HOXB3: variants seen among roughly 807,000 people sequenced by gnomAD.
The protein encoded by HOXB3 is homeobox B3.
A neutral mutation model predicts 29.2 loss-of-function variants in HOXB3; 17 were observed. That is an observed-to-expected ratio of 0.58 (90% CI 0.40 to 0.87). The LOEUF is 0.87. Ranked by LOEUF, HOXB3 falls within the 40% of genes least tolerant of loss-of-function variation. The probability of loss-of-function intolerance (pLI) is 0.00; values close to 1 mark genes in which losing one functional copy is unlikely to be tolerated. For synonymous variants in HOXB3, 317 were observed against 285.9 expected, an observed-to-expected ratio of 1.11 and a Z score of -1.10; for missense variants, 637 against 616.3, an observed-to-expected ratio of 1.03 and a Z score of -0.35.
At chr17:48,570,360 C>A (rs1254522619) in intron 2 of HOXB3, among the ~76,000 whole-genome samples, 2 of 152,128 alleles carry the variant, frequency 1.3e-5, no homozygotes, top group Non-Finnish European at 2.9e-5. Context: ...TCAGAGTTCT[C>A]GGCCGGGGCA....
chr17:48,576,252 C>G (rs1452921058), intron 1 of HOXB3: 1 of 153,638 alleles, frequency 6.5e-6, no homozygotes, highest in Non-Finnish European at 1.5e-5. Context: ...GGCGGCCGAG[C>G]CGGGCCTCAT....
chr17:48,555,549 G>C lies in HOXB3; in HGVS notation c.-177C>G. 1 of 702,766 alleles carries C rather than the reference G, an allele frequency of 1.4e-6. No homozygotes were observed. The highest frequency in any genetic ancestry group is 2.6e-6 in the Non-Finnish European group (1 of 384,826). 43.5% of individuals were successfully genotyped at this position (702,766 alleles called of 1,614,324 possible). Reference sequence around the variant, plus strand: ...AGCTTACCTTAGCCACCGACGAGGGGAGAACAGGCAGACATAATATATATT... The same window carrying C: ...AGCTTACCTTAGCCACCGACGAGGGCAGAACAGGCAGACATAATATATATT... On this transcript the variant is annotated 5_prime_UTR_variant, in exon 3 of 5. Coordinates refer to ENST00000498678, the MANE Select transcript of HOXB3 (RefSeq NM_001384749.1).
chr17:48,587,505 G>A (rs770852683), intron 1 of HOXB3, among the ~76,000 whole-genome samples: 2 of 152,160 alleles, frequency 1.3e-5, no homozygotes, highest in Non-Finnish European at 2.9e-5. Context: ...GAGTTTGGGG[G>A]GGTTGTGCTG....
chr17:48,585,055 G>A (rs1300054781), intron 1 of HOXB3, among the ~76,000 whole-genome samples: 1 of 151,796 alleles, frequency 6.6e-6, no homozygotes, highest in Non-Finnish European at 1.5e-5. Context: ...TCTGCTACGC[G>A]CCGGCCGCAG....
rs2144746791 is a variant in HOXB3 at position 48,552,601 on chromosome 17, CCCT to C, written c.-130_-128del. The stretch of plus-strand genomic sequence containing the variant: ...CCCCCCCCACCTCCCCTCTCTGCCC[CCCT>C]CCTCCGGGGTCTGTTCCAAGCGGCT... On this transcript the variant is annotated 5_prime_UTR_variant, in exon 4 of 5. Coordinates refer to ENST00000498678, the MANE Select transcript of HOXB3 (RefSeq NM_001384749.1). The C allele has an allele frequency of 1.4e-6, 1 of 702,648 alleles. No homozygotes were observed. The highest frequency in any genetic ancestry group is 2.8e-5 in the East Asian group (1 of 35,536). 43.5% of individuals were successfully genotyped at this position (702,648 alleles called of 1,614,324 possible). A position where few individuals can be genotyped will look rare whatever the true frequency, so the allele number is the denominator to read the frequency against.
At chr17:48,583,979 G>A (rs777735954) in intron 1 of HOXB3, among the ~76,000 whole-genome samples, 17 of 152,286 alleles carry the variant, frequency 1.1e-4, no homozygotes, top group African/African-American at 2.9e-4. Context: ...AAGGAAAAAC[G>A]CCCACAGTGT....
At chr17:48,574,072 G>A in intron 1 of HOXB3, 58 bp from the exon 2 acceptor site, 1 of 574,342 alleles carries the variant, frequency 1.7e-6, no homozygotes, top group Non-Finnish European at 3.1e-6. Flanking sequence ...AGTGATTAAT[G>A]GTTTTCTGTA....
chr17:48,557,866 G>T (rs1420105920), intron 2 of HOXB3, among the ~76,000 whole-genome samples: 1 of 152,176 alleles, frequency 6.6e-6, no homozygotes, highest in Non-Finnish European at 1.5e-5. Context: ...CCTGTTAGGG[G>T]TGCCTGAGCA....
rs371125954 is a variant in HOXB3, at chr17:48,550,298, C to T, written c.*36G>A. On this transcript the variant is annotated 3_prime_UTR_variant, in exon 5 of 5. Transcript: ENST00000498678. ...CCCAGAGCTCCACAGTCTCTCTCTT[C>T]CTCCCCATCCCCTAATCCTCGTTCG... is the stretch of plus-strand genomic sequence containing the variant. 1.5e-4 allele frequency: 236 copies of T among 1,612,536 alleles called. No homozygotes were observed. Among genetic ancestry groups the T allele is most frequent in the Middle Eastern group, 7.1e-4 (4 of 5,672 alleles).
intron 2 of HOXB3, among the ~76,000 whole-genome samples, chr17:48,572,390 T>A (rs888868743): frequency 6.6e-6 from 1 of 152,202 alleles, no homozygotes; most frequent in African/African-American, 2.4e-5. Flanking sequence ...ATGTCAGCCC[T>A]CAGGGAGATG....
intron 2 of HOXB3, among the ~76,000 whole-genome samples, chr17:48,573,584 T>G (rs2144865467): frequency 6.6e-6 from 1 of 152,252 alleles, no homozygotes; most frequent in African/African-American, 2.4e-5. Flanking sequence ...TCTGGGGTTT[T>G]TCATGGGCCC....
At position 48,550,167 on chromosome 17, in the gene HOXB3, G is replaced by T; in HGVS notation, c.*167C>A. 1 of 846,092 alleles carries T rather than the reference G, an allele frequency of 1.2e-6. No homozygotes were observed. The highest frequency in any genetic ancestry group is 1.8e-6 in the Non-Finnish European group (1 of 559,406). 52.4% of individuals were successfully genotyped at this position (846,092 alleles called of 1,614,324 possible). A position where few individuals can be genotyped will look rare whatever the true frequency, so the allele number is the denominator to read the frequency against. On this transcript the variant is annotated 3_prime_UTR_variant, in exon 5 of 5. Transcript: ENST00000498678. ...GGAACAAGGGGTGGAAGACTTAAAA[G>T]CAACCTCTCAGGCCAGGGGGAAGGG...
intron 3 of HOXB3, chr17:48,553,941 GAAAAT>G (rs2068863858): frequency 6.6e-6 from 1 of 152,128 alleles, no homozygotes; most frequent in Admixed American, 6.5e-5. Flanking sequence ...CTAAACATAG[GAAAAT>G]AAAATAAAAG....
chr17:48,572,152 T>G (rs1026159051), intron 2 of HOXB3, among the ~76,000 whole-genome samples: 1 of 152,214 alleles, frequency 6.6e-6, no homozygotes, highest in African/African-American at 2.4e-5. Context: ...TCTTAAAAGT[T>G]TCTGGAAACT....
chr17:48,563,298 C>T (rs1483002420), intron 2 of HOXB3, among the ~76,000 whole-genome samples: 1 of 152,168 alleles, frequency 6.6e-6, no homozygotes, highest in Non-Finnish European at 1.5e-5. Flanking sequence ...GTGGACAGGA[C>T]AAGGGGCAGT....
chr17:48,562,951 C>T (rs2069249669), intron 2 of HOXB3, among the ~76,000 whole-genome samples: 1 of 152,186 alleles, frequency 6.6e-6, no homozygotes, highest in Non-Finnish European at 1.5e-5. Context: ...TATTCACTTG[C>T]TCCCCACTCC....
intron 3 of HOXB3, 141 bp downstream of exon 3, chr17:48,555,390 G>T (rs2068942856): frequency 3.1e-6 from 2 of 648,686 alleles, no homozygotes; most frequent in African/African-American, 1.9e-5. Flanking sequence ...GGGAGGGAGG[G>T]AGAGAGAGAG....
intron 1 of HOXB3, among the ~76,000 whole-genome samples, chr17:48,586,040 T>C (rs1464712113): frequency 6.6e-6 from 1 of 152,124 alleles, no homozygotes; most frequent in Admixed American, 6.5e-5. Flanking sequence ...GCCGCTGTGC[T>C]CCGAAGCCGC....
intron 1 of HOXB3, among the ~76,000 whole-genome samples, chr17:48,585,053 G>GCGC (rs2144916173): frequency 6.6e-6 from 1 of 151,992 alleles, no homozygotes; most frequent in Admixed American, 6.6e-5. Flanking sequence ...ATTCTGCTAC[G>GCGC]CGCCGGCCGC....
Sources: gnomAD v4.1 joint callset for allele counts (sites outside exome capture counted in the v4.1 genomes callset) on GRCh38, gnomAD v4.1.1 for gene constraint, MANE v1.5 for transcripts, NCBI Gene and HGNC (gene_info 2026-07-23, HGNC 2026-07-21) for gene names.